PDE1A: variants seen among roughly 807,000 people sequenced by gnomAD.
The protein encoded by PDE1A is phosphodiesterase 1A.
Under a neutral mutation model 61.7 loss-of-function variants are expected in PDE1A, and 35 were observed. That is an observed-to-expected ratio of 0.57 (90% confidence interval 0.43 to 0.75). The LOEUF (loss-of-function observed/expected upper bound fraction) is 0.75, where lower values mean the gene tolerates loss of function less well. Among genes scored for constraint, PDE1A ranks in the 30% least tolerant of loss-of-function variants. The pLI, the probability that PDE1A is intolerant of heterozygous loss-of-function variation, is 0.00. For missense variants in PDE1A, 597 were observed against 630.6 expected, an observed-to-expected ratio of 0.95 and a Z score of 0.57; for synonymous variants, 232 against 213.2, an observed-to-expected ratio of 1.09 and a Z score of -0.77.
intron 1 of PDE1A, among the ~76,000 whole-genome samples, chr2:182,381,395 G>C (rs969766969): frequency 6.6e-6 from 1 of 152,194 alleles, no homozygotes; most frequent in African/African-American, 2.4e-5. Flanking sequence ...ATAGTTGCCA[G>C]AGTAGTCAAT....
At chr2:182,265,632 T>C (rs1692580247) in intron 1 of PDE1A, among the ~76,000 whole-genome samples, 1 of 152,166 alleles carries the variant, frequency 6.6e-6, no homozygotes, top group Non-Finnish European at 1.5e-5. Flanking sequence ...GAGATAATTG[T>C]TATATAGCAA....
chr2:182,698,744 T>A, the PDE1A span, among the ~76,000 whole-genome samples: 2 of 152,220 alleles, frequency 1.3e-5, no homozygotes, highest in South Asian at 4.2e-4. Context: ...ATGGAAAAAA[T>A]ATTTCTTTTT....
chr2:182,570,595 C>G, the PDE1A span, among the ~76,000 whole-genome samples: 2 of 152,040 alleles, frequency 1.3e-5, no homozygotes, highest in African/African-American at 4.8e-5. Flanking sequence ...GAGCATACAC[C>G]AATAAAAGAA....
chr2:182,577,898 C>T, the PDE1A span, among the ~76,000 whole-genome samples: 6 of 130,758 alleles, frequency 4.6e-5, no homozygotes, highest in Non-Finnish European at 6.2e-5. Context: ...CCAGTCTGGG[C>T]GACAGAGCAA....
At chr2:182,230,865 A>G (rs1332985493) in intron 5 of PDE1A, 150 bp downstream of exon 5, 2 of 591,060 alleles carry the variant, frequency 3.4e-6, no homozygotes, top group Non-Finnish European at 6.0e-6. Context: ...GAATGGTTCT[A>G]TCATATAAAG....
At chr2:182,519,152 G>A (rs563527509) in intron 2 of PDE1A, among the ~76,000 whole-genome samples, 1 of 152,196 alleles carries the variant, frequency 6.6e-6, no homozygotes, top group South Asian at 2.1e-4. Context: ...TTCTTAGTAT[G>A]TAGGAAGAAG....
At chr2:182,426,677 C>A in exon 1 of PDE1A, 1 of 1,612,068 alleles carries the variant, frequency 6.2e-7, no homozygotes, top group Non-Finnish European at 8.5e-7. Flanking sequence ...TCCAGAAACT[C>A]CAGAGAGGAA....
Position 182,426,575 on chromosome 2 carries a change from T to C in PDE1A, c.53+3A>G. On this transcript the variant is annotated splice_donor_region_variant and intron_variant, in intron 1 of 13. Coordinates refer to ENST00000351439, the Ensembl canonical transcript of PDE1A. ...GAGCCACCTGCGATGTAGCATTACT[T>C]ACCTAAAGATGGGTCTTTGGAGATG... The C allele has an allele frequency of 1.3e-6, 2 of 1,599,234 alleles. No individual in the cohort carries two copies. Among genetic ancestry groups the C allele is most frequent in the Non-Finnish European group, 1.7e-6 (2 of 1,167,642 alleles).
chr2:182,414,964 C>T (rs146600056), intron 1 of PDE1A, among the ~76,000 whole-genome samples: 1 of 152,244 alleles, frequency 6.6e-6, no homozygotes, highest in Admixed American at 6.5e-5. Flanking sequence ...TTTGGTACAA[C>T]TGTTCAGCTC....
At chr2:182,367,214 T>A (rs1382799899) in intron 1 of PDE1A, among the ~76,000 whole-genome samples, 5 of 151,902 alleles carry the variant, frequency 3.3e-5, no homozygotes, top group Non-Finnish European at 7.4e-5. Flanking sequence ...GACAGCTGAG[T>A]TTAATATTAG....
At chr2:182,183,017 T>C (rs924458852) in intron 13 of PDE1A, among the ~76,000 whole-genome samples, 1 of 152,188 alleles carries the variant, frequency 6.6e-6, no homozygotes, top group African/African-American at 2.4e-5. Flanking sequence ...GGGACACCCC[T>C]AGTTTCTATA....
At chr2:182,286,081 T>C (rs546310251) in intron 1 of PDE1A, among the ~76,000 whole-genome samples, 4 of 152,280 alleles carry the variant, frequency 2.6e-5, no homozygotes, top group African/African-American at 9.6e-5. Flanking sequence ...CACAATGGCA[T>C]AGTATGAGCC....
intron 2 of PDE1A, among the ~76,000 whole-genome samples, chr2:182,263,813 T>C (rs1194621666): frequency 6.6e-6 from 1 of 152,160 alleles, no homozygotes; most frequent in African/African-American, 2.4e-5. Context: ...GAGGCTAGGT[T>C]TGGATGATCA....
chr2:182,325,429 C>T (rs550731567), intron 1 of PDE1A, among the ~76,000 whole-genome samples: 1 of 151,930 alleles, frequency 6.6e-6, no homozygotes, highest in South Asian at 2.1e-4. Flanking sequence ...GATATGACAC[C>T]AAAAACATGG....
intron 2 of PDE1A, among the ~76,000 whole-genome samples, chr2:182,255,012 C>T (rs1014122386): frequency 6.6e-6 from 1 of 152,214 alleles, no homozygotes; most frequent in Non-Finnish European, 1.5e-5. Context: ...ATATGCTTAT[C>T]GGATCCTATG....
chr2:182,565,092 G>C, the PDE1A span, among the ~76,000 whole-genome samples: 1 of 152,174 alleles, frequency 6.6e-6, no homozygotes, highest in Non-Finnish European at 1.5e-5. Context: ...TCCGTTGCTG[G>C]TGAGGAACTG....
At chr2:182,491,725 C>A (rs983850463) in intron 2 of PDE1A, among the ~76,000 whole-genome samples, 3 of 151,932 alleles carry the variant, frequency 2.0e-5, no homozygotes, top group African/African-American at 7.3e-5. Context: ...TTATTTTTCC[C>A]AAACACTTTA....
chr2:182,187,633 T>G (rs1462164803), intron 11 of PDE1A, among the ~76,000 whole-genome samples: 1 of 152,196 alleles, frequency 6.6e-6, no homozygotes, highest in East Asian at 1.9e-4. Flanking sequence ...AGGCACATTT[T>G]TAATTTAATA....
chr2:182,423,947 C>CCTTTTT (rs1053160962), intron 1 of PDE1A, among the ~76,000 whole-genome samples: 1 of 134,298 alleles, frequency 7.4e-6, no homozygotes, highest in African/African-American at 2.8e-5. Context: ...CTGGATTAAC[C>CCTTTTT]TTTTTTTTTT....
Sources: allele counts gnomAD v4.1 joint callset (sites outside exome capture counted in the v4.1 genomes callset), GRCh38; gene constraint gnomAD v4.1.1; transcripts MANE v1.5; gene names NCBI Gene and HGNC (gene_info 2026-07-23, HGNC 2026-07-21).